Variants in SEMA3A observed in about 807,000 individuals in gnomAD.
The protein encoded by SEMA3A is semaphorin-3A.
In SEMA3A, 29 loss-of-function variants were observed where a neutral mutation model predicts 97.9. The ratio of observed to expected loss-of-function variants is 0.30; its 90% CI spans 0.22 to 0.40. The LOEUF (loss-of-function observed/expected upper bound fraction) is 0.40. Ranked by LOEUF, SEMA3A falls within the 10% of genes least tolerant of loss-of-function variation. SEMA3A has a pLI of 1.00. For synonymous variants in SEMA3A, 321 were observed against 323.7 expected (o/e 0.99, Z 0.09); for missense variants, 763 against 951.3 (o/e 0.80, Z 2.60).
chr7:84,137,318 T>C (rs1010351797), intron 1 of SEMA3A, among the ~76,000 whole-genome samples: 7 of 149,750 alleles, frequency 4.7e-5, no homozygotes, highest in Middle Eastern at 3.2e-3. Context: ...AGAGAATTGC[T>C]TGAACCTGGG....
chr7:84,362,885 G>T (rs952208307), intron 2 of SEMA3A, among the ~76,000 whole-genome samples: 11 of 151,936 alleles, frequency 7.2e-5, no homozygotes, highest in Non-Finnish European at 1.6e-4. Flanking sequence ...TCTATCTAGA[G>T]CCCTGCTCTA....
At chr7:84,077,347 G>A (rs1383677159) in intron 4 of SEMA3A, among the ~76,000 whole-genome samples, 2 of 152,032 alleles carry the variant, frequency 1.3e-5, no homozygotes, top group East Asian at 1.9e-4. Context: ...TGAAAGTAAA[G>A]CTATTATTTT....
chr7:84,329,083 C>T (rs895364338), intron 2 of SEMA3A, among the ~76,000 whole-genome samples: 6 of 151,694 alleles, frequency 4.0e-5, no homozygotes, highest in Non-Finnish European at 1.5e-5. Flanking sequence ...AACCCATCAT[C>T]TACATTAAAA....
intron 3 of SEMA3A, among the ~76,000 whole-genome samples, chr7:84,233,561 T>G (rs1799164990): frequency 6.6e-6 from 1 of 151,964 alleles, no homozygotes. Context: ...TGAATATAAT[T>G]TACATTAATA....
chr7:84,365,858 C>T (rs1006201702), intron 2 of SEMA3A, among the ~76,000 whole-genome samples: 52 of 151,092 alleles, frequency 3.4e-4, no homozygotes, highest in African/African-American at 1.1e-3. Context: ...AACTCATCTA[C>T]AATAAATAAC....
chr7:83,985,297 G>C (rs1194388931), intron 13 of SEMA3A, 139 bp downstream of exon 13: 7 of 610,868 alleles, frequency 1.1e-5, no homozygotes, highest in Non-Finnish European at 1.4e-5. Flanking sequence ...CTAGCTTATT[G>C]TAAGAATGAT....
intron 3 of SEMA3A, among the ~76,000 whole-genome samples, chr7:84,119,151 T>C (rs138499680): frequency 7.2e-5 from 11 of 152,284 alleles, no homozygotes; most frequent in African/African-American, 2.4e-4. Context: ...AATTTTGGTA[T>C]CATTTCAAGC....
At chr7:84,424,631 ATAC>A (rs1397515197) in intron 1 of SEMA3A, among the ~76,000 whole-genome samples, 5 of 93,316 alleles carry the variant, frequency 5.4e-5, no homozygotes, top group Admixed American at 1.9e-4. Context: ...TATAATATAT[ATAC>A]AATATATATT....
Position 84,001,950 on chromosome 7 carries a change from C to G in SEMA3A, c.1452+5G>C. The G allele has an allele frequency of 1.2e-6, 2 of 1,603,380 alleles. No homozygotes were observed. The highest frequency in any genetic ancestry group is 1.7e-6 in the Non-Finnish European group (2 of 1,171,126). ...TGTTGACACTTGAAATTAAGCAGCA[C>G]TCACCCGAAAAACTGTCATTTCTTC... On this transcript the variant is annotated splice_donor_5th_base_variant and intron_variant, in intron 12 of 16. Coordinates refer to ENST00000265362, the MANE Select transcript of SEMA3A (RefSeq NM_006080.3).
At chr7:84,450,206 T>C (rs1805521173) in intron 1 of SEMA3A, among the ~76,000 whole-genome samples, 2 of 152,124 alleles carry the variant, frequency 1.3e-5, no homozygotes, top group South Asian at 2.1e-4. Flanking sequence ...AGTACAAGGG[T>C]CCAATTTCTC....
chr7:84,215,926 T>C (rs1260123331), intron 3 of SEMA3A, among the ~76,000 whole-genome samples: 1 of 151,288 alleles, frequency 6.6e-6, no homozygotes, highest in Non-Finnish European at 1.5e-5. Context: ...TACATATAGA[T>C]ACACACACAC....
chr7:84,350,912 G>T lies in SEMA3A; in HGVS notation c.-169+20912C>A, dbSNP rs542652088. On this transcript the variant is annotated intron_variant, in intron 2 of 3. Transcript: ENST00000424555. ...TGACACTTGGTGTCCTTGAAGAGTT[G>T]CTTGTGATTGCGAAGTGTAAAAGTA... is the stretch of plus-strand genomic sequence containing the variant. Among the ~76,000 whole-genome samples the T allele has an allele frequency of 5.0e-4, 76 of 152,234 alleles. 1 individual carries two copies. Among genetic ancestry groups the T allele is most frequent in the African/African-American group, 1.7e-3 (72 of 41,544 alleles).
intron 1 of SEMA3A, among the ~76,000 whole-genome samples, chr7:84,439,115 T>C (rs560831748): frequency 6.6e-6 from 1 of 151,990 alleles, no homozygotes; most frequent in South Asian, 2.1e-4. Flanking sequence ...ATTAGAATAA[T>C]ACACATTAAC....
At chr7:83,983,629 A>G (rs1189789002) in intron 13 of SEMA3A, among the ~76,000 whole-genome samples, 2 of 152,286 alleles carry the variant, frequency 1.3e-5, no homozygotes, top group African/African-American at 4.8e-5. Flanking sequence ...ATAAAATGCC[A>G]AAAGTAACTA....
upstream of SEMA3A, among the ~76,000 whole-genome samples, chr7:84,196,350 GCTTTCT>G (rs1235088451): frequency 4.0e-5 from 5 of 125,640 alleles, no homozygotes; most frequent in African/African-American, 1.4e-4. Context: ...CGCTCGCTCT[GCTTTCT>G]CTCTCTCTCT....
At chr7:84,104,282 G>A (rs1017963406) in intron 4 of SEMA3A, among the ~76,000 whole-genome samples, 10 of 151,966 alleles carry the variant, frequency 6.6e-5, no homozygotes, top group Non-Finnish European at 1.3e-4. Context: ...GTACCAATAT[G>A]GCCTTATAAA....
In SEMA3A at chr7:84,231,812, G is replaced by A. The variant is rs185398484; in HGVS notation, c.-82-37144C>T. 2.3e-4 allele frequency among the ~76,000 whole-genome samples: 35 copies of A among 152,010 alleles called. 1 individual carries two copies. The highest frequency in any genetic ancestry group is 1.2e-3 in the Admixed American group (18 of 15,202). The stretch of plus-strand genomic sequence containing the variant: ...GTGAAAAGACAGCAGACAAAGCCAA[G>A]GCCAATGTCAGGTTGGGTAGGAAGC... On this transcript the variant is annotated intron_variant, in intron 3 of 3. Transcript: ENST00000424555.
chr7:84,215,727 G>A (rs1798737745), intron 3 of SEMA3A, among the ~76,000 whole-genome samples: 1 of 152,214 alleles, frequency 6.6e-6, no homozygotes, highest in Non-Finnish European at 1.5e-5. Context: ...CTGGGACATA[G>A]TAGGTATCAC....
intron 3 of SEMA3A, among the ~76,000 whole-genome samples, chr7:84,209,766 T>G (rs559152655): frequency 1.1e-4 from 16 of 152,304 alleles, no homozygotes; most frequent in African/African-American, 3.6e-4. Flanking sequence ...ATAACTATGA[T>G]AGCCCCAATA....
Sources: gnomAD v4.1 joint callset for allele counts (sites outside exome capture counted in the v4.1 genomes callset) on GRCh38, gnomAD v4.1.1 for gene constraint, MANE v1.5 for transcripts, NCBI Gene and HGNC (gene_info 2026-07-23, HGNC 2026-07-21) for gene names.